TMEM209: variants seen among roughly 807,000 people sequenced by gnomAD.
TMEM209 encodes transmembrane protein 209.
A neutral mutation model predicts 76.2 loss-of-function variants in TMEM209; 65 were observed. The observed-to-expected ratio is 0.85, with a 90% confidence interval of 0.70 to 1.05. The LOEUF is 1.05. TMEM209 is among the 50% of genes least tolerant of loss of function. The pLI is 0.00. For missense variants in TMEM209, 623 were observed against 685.5 expected (o/e 0.91, Z 1.02); for synonymous variants, 239 against 237.6 (o/e 1.01, Z -0.06).
chr7:130,166,327 TA>T lies in TMEM209; in HGVS notation c.*123del. ...TAACAGCTACATTTTCTGTTAAATC[TA>T]AAGAGTCTGTAACATACACCCATGT... On this transcript the variant is annotated 3_prime_UTR_variant, in exon 15 of 15. Transcript: ENST00000397622. 1 of 605,902 alleles carries T rather than the reference TA, an allele frequency of 1.7e-6. No homozygotes were observed. The allele number at this position is 605,902 out of a possible 1,614,324, so 37.5% of individuals were successfully genotyped here. A position where few individuals can be genotyped will look rare whatever the true frequency, so the allele number is the denominator to read the frequency against.
intron 6 of TMEM209, among the ~76,000 whole-genome samples, chr7:130,189,539 G>A (rs982281128): frequency 6.6e-6 from 1 of 152,160 alleles, no homozygotes; most frequent in Non-Finnish European, 1.5e-5. Flanking sequence ...CTTAGGAGAT[G>A]CATGTGAAAT....
intron 6 of TMEM209, among the ~76,000 whole-genome samples, chr7:130,190,031 G>C (rs1161109734): frequency 6.6e-6 from 1 of 152,128 alleles, no homozygotes; most frequent in African/African-American, 2.4e-5. Context: ...GAATGATAGT[G>C]TCATGTCAAA....
intron 5 of TMEM209, among the ~76,000 whole-genome samples, chr7:130,199,049 G>T (rs970061287): frequency 1.3e-5 from 2 of 151,916 alleles, no homozygotes; most frequent in East Asian, 3.9e-4. Context: ...TTATGATGCT[G>T]TATTATTCAA....
chr7:130,203,718 T>C (rs1798303736), intron 3 of TMEM209, 70 bp downstream of exon 3: 1 of 1,307,904 alleles, frequency 7.6e-7, no homozygotes, highest in Admixed American at 2.3e-5. Context: ...AAATGTATAC[T>C]AAGCTGAATT....
chr7:130,200,742 T>A (rs1456864430), intron 5 of TMEM209, among the ~76,000 whole-genome samples: 1 of 152,142 alleles, frequency 6.6e-6, no homozygotes, highest in Non-Finnish European at 1.5e-5. Context: ...CTCATAAAAA[T>A]TTAACTTGTA....
chr7:130,166,849 T>C (rs1464311102), intron 14 of TMEM209, among the ~76,000 whole-genome samples: 1 of 152,182 alleles, frequency 6.6e-6, no homozygotes, highest in African/African-American at 2.4e-5. Context: ...ATGGAGATGC[T>C]AGCCTCTCAG....
chr7:130,166,970 A>G (rs1796901992), intron 14 of TMEM209, among the ~76,000 whole-genome samples: 1 of 152,172 alleles, frequency 6.6e-6, no homozygotes, highest in South Asian at 2.1e-4. Flanking sequence ...TATAACAACA[A>G]CAACAAAATA....
At chr7:130,200,577 A>C (rs990450597) in intron 5 of TMEM209, among the ~76,000 whole-genome samples, 1 of 152,178 alleles carries the variant, frequency 6.6e-6, no homozygotes, top group Non-Finnish European at 1.5e-5. Context: ...ATAGCCATTA[A>C]ACAGATTATT....
In TMEM209 at chr7:130,196,326, C is replaced by CT. The variant is rs66615411; in HGVS notation, c.574-3504dup. On this transcript the variant is annotated intron_variant, in intron 5 of 14. Transcript: ENST00000397622. ...TTTCTACTTCTTAGCCAATTTTTGG[C>CT]TTTTTTTTTTTTTCCAAGAAAAGTA... is the stretch of plus-strand genomic sequence containing the variant. Among the ~76,000 whole-genome samples the CT allele has an allele frequency of 4.6e-3, 656 of 143,612 alleles. 3 individuals carry two copies. Among genetic ancestry groups the CT allele is most frequent in the African/African-American group, 0.014 (557 of 38,770 alleles). 94.2% of individuals were successfully genotyped at this position (143,612 alleles called of 152,430 possible).
At chr7:130,166,599 A>G (rs1796891047) in intron 14 of TMEM209, 94 bp from the exon 15 acceptor site, 1 of 713,798 alleles carries the variant, frequency 1.4e-6, no homozygotes, top group African/African-American at 1.8e-5. Flanking sequence ...ATACATGTTT[A>G]ACTGATATTT....
chr7:130,187,716 G>A (rs953363818), intron 6 of TMEM209, among the ~76,000 whole-genome samples: 2 of 151,814 alleles, frequency 1.3e-5, no homozygotes, highest in African/African-American at 2.4e-5. Context: ...CTTCACATGG[G>A]TTTAGAGTGC....
chr7:130,169,773 G>T (rs959302076), intron 14 of TMEM209, among the ~76,000 whole-genome samples: 6 of 151,848 alleles, frequency 4.0e-5, no homozygotes, highest in Admixed American at 1.3e-4. Flanking sequence ...TACTTAGTAT[G>T]GCAGAGCTGG....
intron 14 of TMEM209, among the ~76,000 whole-genome samples, chr7:130,169,003 C>T (rs1488482822): frequency 2.0e-5 from 3 of 151,736 alleles, no homozygotes; most frequent in South Asian, 2.1e-4. Context: ...TTTGGGAGGC[C>T]GGGCAGGCGG....
At position 130,204,124 on chromosome 7, in the gene TMEM209, A is replaced by G. The variant is rs761049135; in HGVS notation, c.4-14T>C. ...CTCCCCCTGCATCTATGAAAAAACA[A>G]AAAGCACAGGAATTAACCAGAAGAA... On this transcript the variant is annotated splice_polypyrimidine_tract_variant and intron_variant, in intron 1 of 14. Coordinates refer to ENST00000397622, the MANE Select transcript of TMEM209 (RefSeq NM_032842.4). 25 of 1,597,526 alleles carry G rather than the reference A, an allele frequency of 1.6e-5. No homozygotes were observed. In the South Asian group the frequency reaches 2.6e-4, roughly 17 times the overall value.
intron 6 of TMEM209, among the ~76,000 whole-genome samples, chr7:130,187,809 G>A (rs543153953): frequency 1.2e-4 from 19 of 152,158 alleles, no homozygotes; most frequent in African/African-American, 4.6e-4. Flanking sequence ...TACTCCTAAG[G>A]CACCTGACAG....
intron 10 of TMEM209, among the ~76,000 whole-genome samples, chr7:130,177,628 A>G (rs1797280555): frequency 6.6e-6 from 1 of 152,194 alleles, no homozygotes; most frequent in Non-Finnish European, 1.5e-5. Context: ...GCTTCAAACA[A>G]TACAGGAAGA....
chr7:130,204,996 GGAGA>G lies in TMEM209; in HGVS notation c.3+373_3+376del. The G allele has an allele frequency of 6.0e-6, 7 of 1,165,798 alleles. No individual in the cohort carries two copies. In the South Asian group the frequency reaches 1.6e-4, roughly 27 times the overall value. The allele number at this position is 1,165,798 out of a possible 1,614,324, so 72.2% of individuals were successfully genotyped here. A position where few individuals can be genotyped will look rare whatever the true frequency, so the allele number is the denominator to read the frequency against. ...GATGGGGTGGTGAGCGGAGTAAGAGGGAGAGAGGGGAAAACGTGCATTGTTTTGG... is the reference window on the plus strand; with the variant it reads ...GATGGGGTGGTGAGCGGAGTAAGAGGGAGGGGAAAACGTGCATTGTTTTGG... On this transcript the variant is annotated intron_variant, in intron 1 of 14. Transcript: ENST00000397622.
Position 130,192,302 on chromosome 7 carries a change from C to T in TMEM209, c.775+320G>A, listed in dbSNP as rs993214217. 2.4e-5 allele frequency: 6 copies of T among 254,318 alleles called. No homozygotes were observed. The East Asian group carries it at 5.2e-4, about 22-fold the overall frequency. The allele number at this position is 254,318 out of a possible 1,614,324, so 15.8% of individuals were successfully genotyped here. On this transcript the variant is annotated intron_variant, in intron 6 of 14. Coordinates refer to ENST00000397622, the MANE Select transcript of TMEM209 (RefSeq NM_032842.4). ...CAAAAGACTACTTGAAAAGAGACAG[C>T]TATAATTTGAGTAAGTTCACTACGC...
At chr7:130,187,463 C>T (rs562211113) in intron 6 of TMEM209, among the ~76,000 whole-genome samples, 72 of 151,804 alleles carry the variant, frequency 4.7e-4, no homozygotes, top group African/African-American at 1.6e-3. Context: ...AAGTGGGAAA[C>T]GGAGATAAGG....
Sources: gnomAD v4.1 joint callset for allele counts (sites outside exome capture counted in the v4.1 genomes callset) on GRCh38, gnomAD v4.1.1 for gene constraint, MANE v1.5 for transcripts, NCBI Gene and HGNC (gene_info 2026-07-23, HGNC 2026-07-21) for gene names.